Variants in RIN2 observed in about 807,000 individuals in gnomAD.
RIN2 encodes RAB5 interacting protein 2.
In RIN2, 36 loss-of-function variants were observed where a neutral mutation model predicts 78.0. The ratio of observed to expected loss-of-function variants is 0.46; its 90% CI spans 0.35 to 0.61. The LOEUF is 0.61. RIN2 is among the 20% of genes least tolerant of loss of function. The probability of loss-of-function intolerance (pLI) is 0.00; values close to 1 mark genes in which losing one functional copy is unlikely to be tolerated. For missense variants in RIN2, 1,087 were observed against 1,159.7 expected (o/e 0.94, Z 0.91); for synonymous variants, 466 against 466.8 (o/e 1.00, Z 0.02).
intron 2 of RIN2, among the ~76,000 whole-genome samples, chr20:19,880,477 C>G (rs187698445): frequency 3.5e-5 from 5 of 143,846 alleles, no homozygotes; most frequent in African/African-American, 1.0e-4. Flanking sequence ...ATTAATGCAG[C>G]CTTGACCTTC....
intron 2 of RIN2, among the ~76,000 whole-genome samples, chr20:19,851,745 G>A (rs1436335667): frequency 2.0e-5 from 3 of 152,072 alleles, no homozygotes; most frequent in South Asian, 4.2e-4. Context: ...GAGCTCTAGC[G>A]GGGAGTGACC....
At chr20:19,776,615 C>A (rs1325850938) in intron 1 of RIN2, among the ~76,000 whole-genome samples, 2 of 151,936 alleles carry the variant, frequency 1.3e-5, no homozygotes, top group Admixed American at 6.6e-5. Flanking sequence ...GCCTGTAGTC[C>A]CAGCTACTCG....
chr20:19,868,750 A>G (rs943727207), intron 2 of RIN2, among the ~76,000 whole-genome samples: 9 of 152,130 alleles, frequency 5.9e-5, no homozygotes, highest in Non-Finnish European at 1.5e-5. Context: ...GGAAGCTAGC[A>G]CAGAGATGAT....
At chr20:19,973,795 A>C (rs192080542) in intron 8 of RIN2, among the ~76,000 whole-genome samples, 69 of 149,090 alleles carry the variant, frequency 4.6e-4, no homozygotes, top group East Asian at 3.9e-3. Flanking sequence ...TCTCAAGGGA[A>C]AAAAAAAAAA....
intron 9 of RIN2, among the ~76,000 whole-genome samples, chr20:19,983,597 C>T (rs2042529581): frequency 7.5e-6 from 1 of 133,476 alleles, no homozygotes; most frequent in Non-Finnish European, 1.8e-5. Flanking sequence ...TACTACTTTA[C>T]CTTTTTAAAA....
chr20:19,813,309 C>T (rs1319907401), intron 2 of RIN2, among the ~76,000 whole-genome samples: 1 of 152,212 alleles, frequency 6.6e-6, no homozygotes, highest in African/African-American at 2.4e-5. Flanking sequence ...GAAAGAAGTT[C>T]CCATCCATTT....
rs1164220280 is a variant in RIN2, at chr20:19,956,788, T to C, written c.332T>C (p.Leu111Pro). 1.3e-6 allele frequency: 2 copies of C among 1,591,876 alleles called. No individual in the cohort carries two copies. Among genetic ancestry groups the C allele is most frequent in the Admixed American group, 3.5e-5 (2 of 57,568 alleles). The change falls in exon 5 of 13, where the codon CTG becomes CCG. Residue 111 changes from leucine (L) to proline (P), a missense_variant. Physicochemically the swap from Leu to Pro is moderately conservative, Grantham distance 98. Coordinates refer to ENST00000255006, the MANE Select transcript of RIN2 (RefSeq NM_018993.4). ...SLSEEEAAEV[L>P]QAQPPGIFLV... Reference sequence around the variant, plus strand: ...AGTGAGGAGGAGGCAGCAGAGGTCCTGCAGGCCCAGCCTCCGGGGGTAAGA... The same window carrying C: ...AGTGAGGAGGAGGCAGCAGAGGTCCCGCAGGCCCAGCCTCCGGGGGTAAGA...
At chr20:19,914,553 A>G (rs1353340820) in intron 3 of RIN2, among the ~76,000 whole-genome samples, 1 of 152,204 alleles carries the variant, frequency 6.6e-6, no homozygotes, top group African/African-American at 2.4e-5. Flanking sequence ...CAATTGCAAG[A>G]GCCAAATTTA....
At chr20:19,890,916 G>C (rs2038430134) in intron 3 of RIN2, among the ~76,000 whole-genome samples, 1 of 152,166 alleles carries the variant, frequency 6.6e-6, no homozygotes, top group Non-Finnish European at 1.5e-5. Context: ...ACAATAGCTT[G>C]GGACTGGTGG....
At chr20:19,882,849 C>T (rs149593243) in intron 2 of RIN2, among the ~76,000 whole-genome samples, 3,248 of 151,864 alleles carry the variant, frequency 0.021, 54 homozygotes, top group Non-Finnish European at 0.029. Context: ...TTGAAAAAAA[C>T]GCACAAGTTG....
At chr20:19,762,270 A>G (rs971280645) in intron 1 of RIN2, among the ~76,000 whole-genome samples, 8 of 152,188 alleles carry the variant, frequency 5.3e-5, no homozygotes, top group African/African-American at 1.7e-4. Flanking sequence ...TCCACAGACC[A>G]GTAACCTCAG....
intron 2 of RIN2, among the ~76,000 whole-genome samples, chr20:19,856,704 T>C (rs2037180788): frequency 6.6e-6 from 1 of 152,118 alleles, no homozygotes; most frequent in Non-Finnish European, 1.5e-5. Flanking sequence ...AGATGATACA[T>C]AAAATAATGA....
intron 12 of RIN2, among the ~76,000 whole-genome samples, chr20:19,999,818 C>T (rs988057768): frequency 2.6e-5 from 4 of 152,202 alleles, no homozygotes; most frequent in Non-Finnish European, 5.9e-5. Flanking sequence ...TGCATGTAAT[C>T]AGCTCCATCT....
chr20:19,804,825 GT>G (rs200627453), intron 2 of RIN2, among the ~76,000 whole-genome samples: 3 of 151,466 alleles, frequency 2.0e-5, no homozygotes, highest in East Asian at 1.9e-4. Context: ...ATCCATGTGG[GT>G]TTTTTTTGTT....
chr20:19,986,388 A>G (rs1016794848), intron 9 of RIN2, among the ~76,000 whole-genome samples: 24 of 152,228 alleles, frequency 1.6e-4, no homozygotes, highest in African/African-American at 5.5e-4. Context: ...CAGTTTCCTT[A>G]TTTTTAAATT....
At chr20:19,983,986 C>T (rs570254226) in intron 9 of RIN2, among the ~76,000 whole-genome samples, 20 of 151,970 alleles carry the variant, frequency 1.3e-4, no homozygotes, top group Admixed American at 2.6e-4. Context: ...CCCATTAACT[C>T]ATCATTTACA....
intron 2 of RIN2, among the ~76,000 whole-genome samples, chr20:19,873,427 T>C (rs1366484659): frequency 6.6e-6 from 1 of 152,186 alleles, no homozygotes; most frequent in East Asian, 1.9e-4. Flanking sequence ...TGTCCAACCA[T>C]GTAACACACT....
At chr20:19,928,940 G>A (rs765367162) in intron 3 of RIN2, among the ~76,000 whole-genome samples, 14 of 152,188 alleles carry the variant, frequency 9.2e-5, no homozygotes, top group East Asian at 1.9e-4. Context: ...CAAGACCTCC[G>A]TTGAGGTCTG....
At position 19,762,756 on chromosome 20, in the gene RIN2, T is replaced by TTTTATTTATTTA. The variant is rs3059547; in HGVS notation, c.-163+4442_-163+4453dup. Among the ~76,000 whole-genome samples, 631 of 151,260 alleles carry TTTTATTTATTTA rather than the reference T, an allele frequency of 4.2e-3. 7 individuals are homozygous for TTTTATTTATTTA. Among genetic ancestry groups the TTTTATTTATTTA allele is most frequent in the African/African-American group, 0.014 (581 of 41,320 alleles). ...GGGAAGAAACACTGAATGTGATTTA[T>TTTTATTTATTTA]TTTATTTATTTATTTATTTATTTAG... On this transcript the variant is annotated intron_variant, in intron 1 of 12. Transcript: ENST00000255006.
Sources: gnomAD v4.1 joint callset for allele counts (sites outside exome capture counted in the v4.1 genomes callset) on GRCh38, gnomAD v4.1.1 for gene constraint, MANE v1.5 for transcripts, NCBI Gene and HGNC (gene_info 2026-07-23, HGNC 2026-07-21) for gene names.